PIGF: variants seen among roughly 807,000 people sequenced by gnomAD.
The protein encoded by PIGF is phosphatidylinositol glycan anchor biosynthesis class F.
In PIGF, 23 loss-of-function variants were observed where a neutral mutation model predicts 26.0. That is an observed-to-expected ratio of 0.88 (90% confidence interval 0.64 to 1.25). The LOEUF is 1.25. Ranked by LOEUF, PIGF falls within the 50% of genes most tolerant of loss-of-function variation. PIGF has a pLI of 0.00. For missense variants in PIGF, 278 were observed against 249.9 expected (o/e 1.11, Z -0.76); for synonymous variants, 93 against 92.6 (o/e 1.00, Z -0.03).
At chr2:46,610,938 T>A (rs1439427602) in intron 4 of PIGF, among the ~76,000 whole-genome samples, 1 of 152,194 alleles carries the variant, frequency 6.6e-6, no homozygotes, top group Non-Finnish European at 1.5e-5. Flanking sequence ...CACACAAAAA[T>A]ACCCTGTTCA....
rs1387821524 is a variant in PIGF at position 46,589,179 on chromosome 2, C to A, written c.546+3296G>T. Among the ~76,000 whole-genome samples, 1 of 151,964 alleles carries A rather than the reference C, an allele frequency of 6.6e-6. No individual in the cohort carries two copies. The highest frequency in any genetic ancestry group is 1.5e-5 in the Non-Finnish European group (1 of 67,910). The stretch of plus-strand genomic sequence containing the variant: ...CTACCATATTCTCTTTAACCATATC[C>A]CCTTGCTGCCTTCTACAAAAGAAAG... On this transcript the variant is annotated intron_variant, in intron 5 of 5. Coordinates refer to ENST00000281382, the MANE Select transcript of PIGF (RefSeq NM_002643.4). The surrounding 1 kb of genome is among the most constrained non-coding windows in gnomAD (Gnocchi z 4.7).
chr2:46,599,468 T>A (rs75974328), intron 4 of PIGF, among the ~76,000 whole-genome samples: 1,617 of 152,236 alleles, frequency 0.011, 26 homozygotes, highest in African/African-American at 0.035. Flanking sequence ...TATCACATCT[T>A]CTCTAAATGC....
intron 5 of PIGF, among the ~76,000 whole-genome samples, chr2:46,585,729 G>C (rs189894755): frequency 3.2e-4 from 48 of 152,208 alleles, no homozygotes; most frequent in African/African-American, 1.1e-3. Context: ...GTAATATACT[G>C]TGTGGTAGGA....
chr2:46,616,850 G>T (rs767034396), intron 1 of PIGF, 120 bp downstream of exon 1: 53 of 303,004 alleles, frequency 1.7e-4, no homozygotes, highest in Non-Finnish European at 3.2e-4. Context: ...GAAGAGTGGC[G>T]CTGAGCTGAC....
intron 4 of PIGF, among the ~76,000 whole-genome samples, chr2:46,610,750 G>T (rs1023462466): frequency 6.6e-6 from 1 of 151,916 alleles, no homozygotes; most frequent in Non-Finnish European, 1.5e-5. Flanking sequence ...GGCTGGTCTT[G>T]AACTCCTGAC....
chr2:46,591,584 C>T, intron 5 of PIGF: 2 of 947,344 alleles, frequency 2.1e-6, no homozygotes, highest in Non-Finnish European at 2.5e-6. Flanking sequence ...AAGATTTTAT[C>T]ACAGCAGTGT....
At chr2:46,596,433 A>C (rs1178762124) in intron 4 of PIGF, among the ~76,000 whole-genome samples, 1 of 152,178 alleles carries the variant, frequency 6.6e-6, no homozygotes, top group Non-Finnish European at 1.5e-5. Context: ...AAATGTAGAA[A>C]AAATGGAACT....
chr2:46,588,481 G>A lies in PIGF; in HGVS notation c.546+3994C>T. On this transcript the variant is annotated intron_variant, in intron 5 of 5. Transcript: ENST00000281382. This position sits in a 1 kb window ranked among gnomAD's most constrained non-coding sequence, Gnocchi z 4.1. ...TAACCATGTGTCAGGTGCTGAGCTAGGTATTTTAGAGGGATTTTATTATTT... is the reference window on the plus strand; with the variant it reads ...TAACCATGTGTCAGGTGCTGAGCTAAGTATTTTAGAGGGATTTTATTATTT... 1 of 213,682 alleles carries A rather than the reference G, an allele frequency of 4.7e-6. No individual in the cohort carries two copies. The highest frequency in any genetic ancestry group is 9.4e-6 in the Non-Finnish European group (1 of 106,386). 13.2% of individuals were successfully genotyped at this position (213,682 alleles called of 1,614,324 possible).
At chr2:46,594,710 A>T (rs1342421127) in intron 4 of PIGF, among the ~76,000 whole-genome samples, 2 of 151,414 alleles carry the variant, frequency 1.3e-5, no homozygotes, top group Non-Finnish European at 2.9e-5. Flanking sequence ...TAATTTTTGT[A>T]TTTTTAGTAG....
At chr2:46,598,744 C>T (rs540569700) in intron 4 of PIGF, among the ~76,000 whole-genome samples, 1 of 151,942 alleles carries the variant, frequency 6.6e-6, no homozygotes, top group Non-Finnish European at 1.5e-5. Context: ...TGAAATGTCC[C>T]AAAATTAGAT....
At chr2:46,595,505 T>C (rs1444110656) in intron 4 of PIGF, among the ~76,000 whole-genome samples, 2 of 152,198 alleles carry the variant, frequency 1.3e-5, no homozygotes, top group Non-Finnish European at 2.9e-5. Flanking sequence ...CAACAGCTGA[T>C]GGATATTTGG....
In PIGF at chr2:46,581,238, T is replaced by C. The variant is rs536547507; in HGVS notation, c.*240A>G. 25 of 993,888 alleles carry C rather than the reference T, an allele frequency of 2.5e-5. No individual in the cohort carries two copies. The Admixed American group carries it at 4.0e-4, about 16-fold the overall frequency. The allele number at this position is 993,888 out of a possible 1,614,324, so 61.6% of individuals were successfully genotyped here. On this transcript the variant is annotated 3_prime_UTR_variant, in exon 6 of 6. Coordinates refer to ENST00000281382, the MANE Select transcript of PIGF (RefSeq NM_002643.4). ...AGAATTCTATAAAGTGTATTAAGAA[T>C]GTTCCTTAAAGGTTTAAGAAGCAGT...
chr2:46,610,648 G>C (rs1670382429), intron 4 of PIGF, among the ~76,000 whole-genome samples: 1 of 149,512 alleles, frequency 6.7e-6, no homozygotes, highest in African/African-American at 2.5e-5. Flanking sequence ...TCCTGCCTCA[G>C]CTTCCCAAGT....
intron 4 of PIGF, among the ~76,000 whole-genome samples, chr2:46,597,562 G>A (rs562059866): frequency 7.2e-5 from 11 of 152,172 alleles, no homozygotes; most frequent in African/African-American, 2.6e-4. Context: ...ACAGGCGCCT[G>A]CCACCATGCC....
At chr2:46,587,845 A>C (rs1669625330) in intron 5 of PIGF, among the ~76,000 whole-genome samples, 1 of 152,212 alleles carries the variant, frequency 6.6e-6, no homozygotes. Context: ...GGGGAAAGAA[A>C]TGAAATATAA....
In PIGF at chr2:46,606,905, T is replaced by C. The variant is rs147731755; in HGVS notation, c.437+5323A>G. On this transcript the variant is annotated intron_variant, in intron 4 of 5. Coordinates refer to ENST00000281382, the MANE Select transcript of PIGF (RefSeq NM_002643.4). ...CAAAATTTGATATATATCCATACAA[T>C]GGAATATTATTCAGCCACAAAAAGG... 2.8e-3 allele frequency among the ~76,000 whole-genome samples: 426 copies of C among 152,306 alleles called. 2 individuals are homozygous for C. The highest frequency in any genetic ancestry group is 4.9e-3 in the Non-Finnish European group (330 of 68,020).
intron 4 of PIGF, among the ~76,000 whole-genome samples, chr2:46,603,186 A>G (rs1401444468): frequency 6.6e-6 from 1 of 151,968 alleles, no homozygotes; most frequent in South Asian, 2.1e-4. Flanking sequence ...TGAAAACTAT[A>G]AAACACTGAT....
At chr2:46,585,800 C>T (rs529985809) in intron 5 of PIGF, among the ~76,000 whole-genome samples, 10 of 151,196 alleles carry the variant, frequency 6.6e-5, no homozygotes, top group Middle Eastern at 6.8e-3. Flanking sequence ...TTGAGACGGA[C>T]TCTCGCTCTG....
Position 46,588,033 on chromosome 2 carries a change from AC to A in PIGF, c.546+4441del, listed in dbSNP as rs1572768119. On this transcript the variant is annotated intron_variant, in intron 5 of 5. Coordinates refer to ENST00000281382, the MANE Select transcript of PIGF (RefSeq NM_002643.4). The surrounding 1 kb of genome is among the most constrained non-coding windows in gnomAD (Gnocchi z 4.1). ...GCAAGATGTGTACTCCTCCCCTCTC[AC>A]ACTTGGACTTTCTAGTGTATAAAAT... 6.7e-6 allele frequency: 10 copies of A among 1,481,516 alleles called. No individual in the cohort carries two copies. Among genetic ancestry groups the A allele is most frequent in the Non-Finnish European group, 2.7e-6 (3 of 1,113,754 alleles). The allele number at this position is 1,481,516 out of a possible 1,614,324, so 91.8% of individuals were successfully genotyped here.
Sources: allele counts gnomAD v4.1 joint callset (sites outside exome capture counted in the v4.1 genomes callset), GRCh38; gene constraint gnomAD v4.1.1; non-coding constraint Gnocchi (gnomAD v3.1); transcripts MANE v1.5; gene names NCBI Gene and HGNC (gene_info 2026-07-23, HGNC 2026-07-21).